Variants in SEMA6D observed in about 807,000 individuals in gnomAD.
The protein encoded by SEMA6D is semaphorin-6D.
SEMA6D carries 35 observed loss-of-function variants against 106.6 expected under a neutral mutation model. The ratio of observed to expected loss-of-function variants is 0.33; its 90% CI spans 0.25 to 0.44. The LOEUF (loss-of-function observed/expected upper bound fraction) is 0.44. Ranked by LOEUF, SEMA6D falls within the 20% of genes least tolerant of loss-of-function variation. SEMA6D has a pLI of 1.00. For missense variants in SEMA6D, 1,185 were observed against 1,345.9 expected (o/e 0.88, Z 1.87); for synonymous variants, 499 against 487.7 (o/e 1.02, Z -0.31).
At chr15:47,504,167 G>C (rs2043957596) in intron 3 of SEMA6D, among the ~76,000 whole-genome samples, 1 of 152,228 alleles carries the variant, frequency 6.6e-6, no homozygotes, top group Non-Finnish European at 1.5e-5. Flanking sequence ...TTTCACCAAA[G>C]GGTTTGAAAT....
At chr15:47,337,278 C>G (rs2037606847) in intron 1 of SEMA6D, among the ~76,000 whole-genome samples, 1 of 152,124 alleles carries the variant, frequency 6.6e-6, no homozygotes, top group Admixed American at 6.5e-5. Context: ...AGACATGTTA[C>G]TCTTGCACCC....
intron 1 of SEMA6D, among the ~76,000 whole-genome samples, chr15:47,334,589 T>C (rs930202711): frequency 6.6e-6 from 1 of 152,188 alleles, no homozygotes; most frequent in African/African-American, 2.4e-5. Flanking sequence ...ATTACTGTTA[T>C]TTTGTTGTGA....
chr15:47,624,125 C>A (rs1749838656), intron 4 of SEMA6D, among the ~76,000 whole-genome samples: 1 of 152,152 alleles, frequency 6.6e-6, no homozygotes, highest in Admixed American at 6.5e-5. Flanking sequence ...ACCTTCAGAC[C>A]TTTGCACCTA....
At chr15:47,340,463 A>G (rs1443628297) in intron 1 of SEMA6D, among the ~76,000 whole-genome samples, 2 of 152,200 alleles carry the variant, frequency 1.3e-5, no homozygotes, top group African/African-American at 4.8e-5. Flanking sequence ...CCAGTTAATC[A>G]TGGATCGTTA....
chr15:47,593,592 G>A (rs1021956589), intron 3 of SEMA6D, among the ~76,000 whole-genome samples: 4 of 151,538 alleles, frequency 2.6e-5, no homozygotes, highest in African/African-American at 4.8e-5. Context: ...AAAAATTTGA[G>A]GGAAAAGATT....
At chr15:47,648,899 A>G (rs1269136633) in intron 4 of SEMA6D, among the ~76,000 whole-genome samples, 1 of 152,166 alleles carries the variant, frequency 6.6e-6, no homozygotes, top group African/African-American at 2.4e-5. Context: ...TACTTTTTTA[A>G]TATGTGGTTT....
chr15:47,439,925 G>C (rs1322980587), intron 2 of SEMA6D, among the ~76,000 whole-genome samples: 2 of 151,978 alleles, frequency 1.3e-5, no homozygotes, highest in Non-Finnish European at 2.9e-5. Flanking sequence ...GGAAAAACAG[G>C]AAAAAAATAC....
intron 1 of SEMA6D, among the ~76,000 whole-genome samples, chr15:47,266,473 G>C (rs79276899): frequency 0.019 from 2,861 of 152,100 alleles, 87 homozygotes; most frequent in African/African-American, 0.064. Flanking sequence ...GGATGGAGTG[G>C]GCAAAAGCCT....
At chr15:47,552,059 C>T (rs1010486787) in intron 3 of SEMA6D, among the ~76,000 whole-genome samples, 6 of 150,410 alleles carry the variant, frequency 4.0e-5, no homozygotes, top group Admixed American at 1.3e-4. Flanking sequence ...GACAGTCATA[C>T]ACATATGTTC....
At chr15:47,193,673 CA>C (rs1396006343) in intron 1 of SEMA6D, among the ~76,000 whole-genome samples, 1 of 151,990 alleles carries the variant, frequency 6.6e-6, no homozygotes. Flanking sequence ...AAAAACAAAA[CA>C]AAAAAACTCT....
chr15:47,435,789 T>C (rs1385581923), intron 2 of SEMA6D, among the ~76,000 whole-genome samples: 4 of 152,164 alleles, frequency 2.6e-5, no homozygotes, highest in African/African-American at 9.6e-5. Flanking sequence ...ACTAAGACCC[T>C]ATAGTCATAT....
intron 1 of SEMA6D, among the ~76,000 whole-genome samples, chr15:47,388,946 T>G (rs1477199397): frequency 6.6e-6 from 1 of 152,204 alleles, no homozygotes; most frequent in Admixed American, 6.5e-5. Context: ...AATGATTATC[T>G]GGTACAAAAC....
intron 1 of SEMA6D, among the ~76,000 whole-genome samples, chr15:47,280,204 A>C (rs918287599): frequency 6.6e-6 from 1 of 151,998 alleles, no homozygotes; most frequent in Non-Finnish European, 1.5e-5. Context: ...ACAATTTCAG[A>C]TCCTGTTATT....
intron 2 of SEMA6D, among the ~76,000 whole-genome samples, chr15:47,467,326 A>G (rs2042694271): frequency 6.6e-6 from 1 of 152,134 alleles, no homozygotes; most frequent in African/African-American, 2.4e-5. Context: ...CCTGGAAATC[A>G]CTGTGGATTG....
At chr15:47,726,903 G>A (rs934716614) in intron 1 of SEMA6D, among the ~76,000 whole-genome samples, 3 of 152,122 alleles carry the variant, frequency 2.0e-5, no homozygotes, top group African/African-American at 7.2e-5. Context: ...TTCCACAACA[G>A]CTACCCTGCA....
At chr15:47,696,948 T>C (rs2145851209) in intron 4 of SEMA6D, among the ~76,000 whole-genome samples, 1 of 152,340 alleles carries the variant, frequency 6.6e-6, no homozygotes, top group South Asian at 2.1e-4. Flanking sequence ...GTCATCATTC[T>C]TGCGGTTGTT....
chr15:47,241,059 A>G (rs2032872429), intron 1 of SEMA6D, among the ~76,000 whole-genome samples: 2 of 152,194 alleles, frequency 1.3e-5, no homozygotes, highest in Non-Finnish European at 2.9e-5. Context: ...AGCTTCATCT[A>G]TCTCCTAGCA....
At chr15:47,282,877 T>C (rs562796011) in intron 1 of SEMA6D, among the ~76,000 whole-genome samples, 7 of 152,246 alleles carry the variant, frequency 4.6e-5, no homozygotes, top group Admixed American at 4.6e-4. Flanking sequence ...GGCAGCAAAG[T>C]ATGCTTTTTA....
chr15:47,338,065 G>T (rs544150559), intron 1 of SEMA6D, among the ~76,000 whole-genome samples: 1 of 152,114 alleles, frequency 6.6e-6, no homozygotes, highest in South Asian at 2.1e-4. Context: ...GTAACCTTAC[G>T]CTATCTGAAT....
Sources: gnomAD v4.1 joint callset for allele counts (sites outside exome capture counted in the v4.1 genomes callset) on GRCh38, gnomAD v4.1.1 for gene constraint, MANE v1.5 for transcripts, NCBI Gene and HGNC (gene_info 2026-07-23, HGNC 2026-07-21) for gene names.